CACNA1C: variants seen among roughly 807,000 people sequenced by gnomAD.
CACNA1C encodes the protein calcium voltage-gated channel subunit alpha1 C.
In CACNA1C, 30 loss-of-function variants were observed where a neutral mutation model predicts 229.0. The observed-to-expected ratio is 0.13, with a 90% confidence interval of 0.10 to 0.18. The LOEUF is 0.18. CACNA1C is among the 10% of genes least tolerant of loss of function. The pLI, the probability that CACNA1C is intolerant of heterozygous loss-of-function variation, is 1.00. For synonymous variants in CACNA1C, 1,114 were observed against 1,132.5 expected, an observed-to-expected ratio of 0.98 and a Z score of 0.33; for missense variants, 1,658 against 2,845.0, an observed-to-expected ratio of 0.58 and a Z score of 9.49.
At chr12:2,112,770 T>C (rs1384789366) in intron 1 of CACNA1C, among the ~76,000 whole-genome samples, 1 of 152,172 alleles carries the variant, frequency 6.6e-6, no homozygotes. Context: ...TTTGTGCCCA[T>C]GGTGGGCAAC....
chr12:2,013,469 C>T (rs1474513321), intron 1 of CACNA1C, among the ~76,000 whole-genome samples: 3 of 152,210 alleles, frequency 2.0e-5, no homozygotes, highest in Admixed American at 1.3e-4. Context: ...TACTGCTCCT[C>T]ATTTTTTGGT....
rs115374120 is a variant in CACNA1C at position 2,389,220 on chromosome 12, T to C, written c.478-59756T>C. 8.6e-3 allele frequency among the ~76,000 whole-genome samples: 1,310 copies of C among 152,026 alleles called. 27 individuals are homozygous for C. Among genetic ancestry groups the C allele is most frequent in the African/African-American group, 0.03 (1,231 of 41,454 alleles). The stretch of plus-strand genomic sequence containing the variant: ...GTTCTTGCTGATAGGAGAGGTCAAA[T>C]GAGATAAGGACAGAGGCGTGGCCTT... On this transcript the variant is annotated intron_variant, in intron 3 of 46. Transcript: ENST00000399655.
intron 3 of CACNA1C, among the ~76,000 whole-genome samples, chr12:2,230,861 G>A (rs531415503): frequency 4.6e-5 from 7 of 152,286 alleles, no homozygotes; most frequent in African/African-American, 1.4e-4. Flanking sequence ...GGTGAGGTGG[G>A]TCGTATTATT....
At chr12:2,559,917 G>T (rs2046557296) in intron 11 of CACNA1C, among the ~76,000 whole-genome samples, 1 of 152,204 alleles carries the variant, frequency 6.6e-6, no homozygotes, top group Non-Finnish European at 1.5e-5. Context: ...AAATTTCTTT[G>T]ATTTAAACCA....
chr12:2,591,049 C>A (rs769771169), intron 18 of CACNA1C, among the ~76,000 whole-genome samples: 2 of 152,134 alleles, frequency 1.3e-5, no homozygotes, highest in Non-Finnish European at 1.5e-5. Context: ...TCATCTTGGG[C>A]CTCTCTTCTG....
intron 3 of CACNA1C, among the ~76,000 whole-genome samples, chr12:2,260,331 C>T (rs931371315): frequency 6.6e-6 from 1 of 151,850 alleles, no homozygotes; most frequent in Non-Finnish European, 1.5e-5. Flanking sequence ...AAATAATTAG[C>T]TGGCCATAAT....
intron 37 of CACNA1C, among the ~76,000 whole-genome samples, chr12:2,668,067 G>A (rs1055245428): frequency 3.6e-4 from 55 of 152,220 alleles, no homozygotes; most frequent in African/African-American, 1.3e-3. Context: ...AAGCATATTT[G>A]TCAATACACA....
At chr12:2,515,673 T>G (rs939942092) in intron 9 of CACNA1C, among the ~76,000 whole-genome samples, 11 of 152,050 alleles carry the variant, frequency 7.2e-5, no homozygotes, top group Non-Finnish European at 1.5e-4. Flanking sequence ...TGGGGCTGAG[T>G]GCAGTGCAGG....
rs1278593279 is a variant in CACNA1C at position 2,215,237 on chromosome 12, A to G, written c.477+94807A>G. 2.6e-5 allele frequency among the ~76,000 whole-genome samples: 4 copies of G among 152,150 alleles called. No individual in the cohort carries two copies. Among genetic ancestry groups the G allele is most frequent in the Non-Finnish European group, 4.4e-5 (3 of 68,030 alleles). Reference sequence around the variant, plus strand: ...TATTTGTGGGTGTTCTGTTGCATTCAGTGGGGCTTCAGTCTTCATTTTCCT... The same window carrying G: ...TATTTGTGGGTGTTCTGTTGCATTCGGTGGGGCTTCAGTCTTCATTTTCCT... On this transcript the variant is annotated intron_variant, in intron 3 of 46. Coordinates refer to ENST00000399655, the MANE Select transcript of CACNA1C (RefSeq NM_000719.7). This position sits in a 1 kb window ranked among gnomAD's most constrained non-coding sequence, Gnocchi z 5.0.
chr12:2,049,973 G>A (rs1017004323), upstream of CACNA1C, among the ~76,000 whole-genome samples: 1 of 152,186 alleles, frequency 6.6e-6, no homozygotes, highest in Non-Finnish European at 1.5e-5. Flanking sequence ...CAGCTGAAAA[G>A]AGAAGTGAAA....
intron 2 of CACNA1C, among the ~76,000 whole-genome samples, chr12:2,117,141 C>T (rs868661415): frequency 1.2e-4 from 18 of 152,276 alleles, no homozygotes; most frequent in Middle Eastern, 3.4e-3. Context: ...CGTTGGGGCA[C>T]ATGCCAGTAA....
intron 3 of CACNA1C, among the ~76,000 whole-genome samples, chr12:2,270,456 A>G (rs897685844): frequency 6.6e-6 from 1 of 152,152 alleles, no homozygotes; most frequent in African/African-American, 2.4e-5. Context: ...GTGACCCCTC[A>G]TGTCAATGTT....
At chr12:2,524,794 G>A (rs1276972492) in intron 9 of CACNA1C, among the ~76,000 whole-genome samples, 3 of 152,310 alleles carry the variant, frequency 2.0e-5, no homozygotes, top group South Asian at 4.1e-4. Context: ...ACCATCGGCC[G>A]GAACACAGCT....
intron 10 of CACNA1C, among the ~76,000 whole-genome samples, chr12:2,552,990 C>A (rs2042134902): frequency 9.5e-6 from 1 of 105,572 alleles, no homozygotes; most frequent in Non-Finnish European, 2.0e-5. Context: ...TATAGGAAGG[C>A]ATTGCTTCTG....
At chr12:2,210,359 G>T (rs1402675933) in intron 3 of CACNA1C, among the ~76,000 whole-genome samples, 1 of 152,226 alleles carries the variant, frequency 6.6e-6, no homozygotes, top group East Asian at 1.9e-4. Flanking sequence ...AGTGGCATCT[G>T]TAACAGTGCA....
intron 3 of CACNA1C, among the ~76,000 whole-genome samples, chr12:2,398,484 A>G (rs2098628207): frequency 6.6e-6 from 1 of 152,240 alleles, no homozygotes; most frequent in African/African-American, 2.4e-5. Flanking sequence ...TGGTCTGTGC[A>G]TCGGGAGACT....
chr12:2,617,308 C>G (rs1450100109), intron 29 of CACNA1C, among the ~76,000 whole-genome samples: 1 of 152,194 alleles, frequency 6.6e-6, no homozygotes, highest in East Asian at 1.9e-4. Context: ...CTCTTGGGGC[C>G]ACTCTTCATA....
chr12:2,489,977 TC>T (rs1426403737), intron 6 of CACNA1C, among the ~76,000 whole-genome samples: 1 of 152,250 alleles, frequency 6.6e-6, no homozygotes, highest in Non-Finnish European at 1.5e-5. Context: ...AGCAAATTTC[TC>T]CTCACCCTAG....
At chr12:2,310,222 G>C (rs1251810769) in intron 3 of CACNA1C, among the ~76,000 whole-genome samples, 1 of 151,868 alleles carries the variant, frequency 6.6e-6, no homozygotes, top group Non-Finnish European at 1.5e-5. Flanking sequence ...CTACATAACT[G>C]AACCCAAGTC....
Sources: allele counts gnomAD v4.1 joint callset (sites outside exome capture counted in the v4.1 genomes callset), GRCh38; gene constraint gnomAD v4.1.1; non-coding constraint Gnocchi (gnomAD v3.1); transcripts MANE v1.5; gene names NCBI Gene and HGNC (gene_info 2026-07-23, HGNC 2026-07-21).